PHGDH: variants seen among roughly 807,000 people sequenced by gnomAD.
PHGDH encodes the protein phosphoglycerate dehydrogenase, also known as D-3-phosphoglycerate dehydrogenase.
PHGDH carries 50 observed loss-of-function variants against 52.6 expected under a neutral mutation model. The observed-to-expected ratio is 0.95, with a 90% confidence interval of 0.76 to 1.20. The LOEUF (loss-of-function observed/expected upper bound fraction) is 1.20, where lower values mean the gene tolerates loss of function less well. Ranked by LOEUF, PHGDH falls within the 50% of genes most tolerant of loss-of-function variation. The probability of loss-of-function intolerance (pLI) is 0.00; values close to 1 mark genes in which losing one functional copy is unlikely to be tolerated. For synonymous variants in PHGDH, 271 were observed against 280.5 expected (o/e 0.97, Z 0.34); for missense variants, 630 against 684.6 (o/e 0.92, Z 0.89).
intron 5 of PHGDH, among the ~76,000 whole-genome samples, chr1:119,733,288 T>C (rs1651782005): frequency 1.3e-5 from 2 of 152,178 alleles, no homozygotes; most frequent in African/African-American, 4.8e-5. Context: ...GCTTCTGCCC[T>C]AGAATTACTG....
At chr1:119,723,002 A>G (rs1380187665) in intron 2 of PHGDH, among the ~76,000 whole-genome samples, 2 of 152,024 alleles carry the variant, frequency 1.3e-5, no homozygotes, top group Non-Finnish European at 2.9e-5. Flanking sequence ...GATCAATGGT[A>G]GGAGCAGCAG....
chr1:119,743,011 A>G lies in PHGDH; in HGVS notation c.1414A>G (p.Thr472Ala), dbSNP rs1407120002. ...DLPLLLFRTQ[T>A]SDPAMLPTMI... ...GCCCCTGCTCCTATTCCGGACTCAG[A>G]CCTCTGACCCTGCAATGCTGCCTAC... is the stretch of plus-strand genomic sequence containing the variant. Residue 472 changes from threonine to alanine, a missense_variant, in exon 11 of 12, where the codon ACC becomes GCC. Transcript: ENST00000641023. 1 of 1,613,280 alleles carries G rather than the reference A, an allele frequency of 6.2e-7. No homozygotes were observed.
rs587765580 is a variant in PHGDH at position 119,735,101 on chromosome 1, G to T, written c.644-194G>T. 721 of 739,894 alleles carry T rather than the reference G, an allele frequency of 9.7e-4. 3 individuals carry two copies. The highest frequency in any genetic ancestry group is 8.8e-3 in the Middle Eastern group (28 of 3,194). The allele number at this position is 739,894 out of a possible 1,614,324, so 45.8% of individuals were successfully genotyped here. ...CTAAGATGTTTCTAAACTGAGTCTGGCCCAGATCCATAACAGGGACTCCTG... is the reference window on the plus strand; with the variant it reads ...CTAAGATGTTTCTAAACTGAGTCTGTCCCAGATCCATAACAGGGACTCCTG... On this transcript the variant is annotated intron_variant, in intron 6 of 11. Coordinates refer to ENST00000641023, the MANE Select transcript of PHGDH (RefSeq NM_006623.4).
intron 8 of PHGDH, chr1:119,740,044 T>C (rs1652119405): frequency 3.6e-6 from 1 of 275,392 alleles, no homozygotes; most frequent in African/African-American, 2.2e-5. Context: ...CCCATATGTT[T>C]TGTGTCAAAG....
At chr1:119,733,520 G>T (rs1011473758) in intron 5 of PHGDH, among the ~76,000 whole-genome samples, 5 of 19,146 alleles carry the variant, frequency 2.6e-4, no homozygotes, top group African/African-American at 8.7e-4. Context: ...TTTTTTGTAG[G>T]GGGGGGGGTC....
chr1:119,716,718 C>T (rs1200909292), intron 1 of PHGDH, among the ~76,000 whole-genome samples: 1 of 152,060 alleles, frequency 6.6e-6, no homozygotes, highest in Non-Finnish European at 1.5e-5. Context: ...GACTTTTGGT[C>T]CTGAGCTGAC....
In PHGDH at chr1:119,712,154, G is replaced by T. The variant is rs1258738608; in HGVS notation, c.132G>T (p.Glu44Asp). The stretch of plus-strand genomic sequence containing the variant: ...TTAGCAAAGAGGAGCTGATAGCGGA[G>T]CTGCAGGTAAGGCGAGAGAGAGAAA... Reference protein sequence around the residue: ...QNLSKEELIAELQDCEGLIVR... With the variant: ...QNLSKEELIADLQDCEGLIVR... The change falls in exon 1 of 12, where the codon GAG becomes GAT. Residue 44 changes from glutamate (E) to aspartate (D), a missense_variant. Coordinates refer to ENST00000641023, the MANE Select transcript of PHGDH (RefSeq NM_006623.4). 2 of 1,614,018 alleles carry T rather than the reference G, an allele frequency of 1.2e-6. No individual in the cohort carries two copies. The highest frequency in any genetic ancestry group is 1.7e-6 in the Non-Finnish European group (2 of 1,179,940).
intron 5 of PHGDH, chr1:119,730,081 C>T (rs370632268): frequency 1.3e-5 from 2 of 152,176 alleles, no homozygotes; most frequent in African/African-American, 4.8e-5. Context: ...TCAACCACGT[C>T]ATTATCATAC....
Position 119,726,781 on chromosome 1 carries a change from G to A in PHGDH, c.357-70G>A, listed in dbSNP as rs903102347. On this transcript the variant is annotated intron_variant, in intron 3 of 11. Transcript: ENST00000641023. ...TCATGGGCAGTGACTGTGCAAACCT[G>A]ATGTTGCATCTCCTTCCTGGGCTGG... 28 of 1,266,948 alleles carry A rather than the reference G, an allele frequency of 2.2e-5. 1 individual carries two copies. The highest frequency in any genetic ancestry group is 2.5e-4 in the Middle Eastern group (1 of 3,946). The allele number at this position is 1,266,948 out of a possible 1,614,324, so 78.5% of individuals were successfully genotyped here.
chr1:119,739,251 G>C (rs1652080261), intron 8 of PHGDH, among the ~76,000 whole-genome samples: 1 of 152,188 alleles, frequency 6.6e-6, no homozygotes, highest in Admixed American at 6.5e-5. Context: ...ACAGAGGACA[G>C]AGAGATGTGC....
intron 5 of PHGDH, among the ~76,000 whole-genome samples, chr1:119,728,609 T>C (rs1651553786): frequency 6.6e-6 from 1 of 152,138 alleles, no homozygotes; most frequent in South Asian, 2.1e-4. Flanking sequence ...CTGGTTGCCA[T>C]CAGTAGCAGT....
chr1:119,741,667 C>A, intron 9 of PHGDH, 100 bp from the exon 10 acceptor site: 1 of 1,105,280 alleles, frequency 9.0e-7, no homozygotes, highest in Non-Finnish European at 1.4e-6. Context: ...CCCAGGGCAG[C>A]GAGGAGCCCA....
chr1:119,741,332 G>A lies in PHGDH; in HGVS notation c.1079-435G>A, dbSNP rs374199007. 1.8e-4 allele frequency among the ~76,000 whole-genome samples: 27 copies of A among 152,304 alleles called. No individual in the cohort carries two copies. The East Asian group carries it at 3.1e-3, about 17-fold the overall frequency. Reference sequence around the variant, plus strand: ...CCACTGGCCTGGGTGTCCAAGCGCCGAAGGAAACAAGGCAGGGAGCTGGGC... The same window carrying A: ...CCACTGGCCTGGGTGTCCAAGCGCCAAAGGAAACAAGGCAGGGAGCTGGGC... On this transcript the variant is annotated intron_variant, in intron 9 of 11. Coordinates refer to ENST00000641023, the MANE Select transcript of PHGDH (RefSeq NM_006623.4).
chr1:119,724,593 G>A (rs1651318566), intron 3 of PHGDH: 2 of 368,618 alleles, frequency 5.4e-6, no homozygotes, highest in Non-Finnish European at 1.0e-5. Context: ...TAGGCTGAGT[G>A]TCTCTCCCCC....
intron 7 of PHGDH, 128 bp downstream of exon 7, chr1:119,735,571 G>C: frequency 1.9e-6 from 2 of 1,031,684 alleles, no homozygotes; most frequent in Non-Finnish European, 2.9e-6. Flanking sequence ...ATGGTAAAAG[G>C]AGAAAACTGT....
In PHGDH at chr1:119,723,381, C is replaced by T; in HGVS notation, c.296C>T (p.Pro99Leu). 6.2e-7 allele frequency: 1 copy of T among 1,613,058 alleles called. No homozygotes were observed. The highest frequency in any genetic ancestry group is 8.5e-7 in the Non-Finnish European group (1 of 1,179,110). The part of the protein sequence containing the change: ...TRKGILVMNT[P>L]NGNSLSAAEL... ...CCCTTTTCTTTGATCTTTAGCACCC[C>T]CAATGGGAACAGCCTCAGTGCCGCA... The change falls in exon 3 of 12, where the codon CCC (proline) becomes CTC (leucine). Residue 99 changes from proline (P) to leucine (L), a missense_variant. Pro to Leu is a moderately conservative substitution (Grantham distance 98). Transcript: ENST00000641023.
Position 119,740,954 on chromosome 1 carries a change from A to G in PHGDH, c.1078+436A>G, listed in dbSNP as rs587631009. ...CACTTGTAAAGTGAGAGTTAGGGGC[A>G]GATGAGCCAGGAGCGGTGAGGACAC... On this transcript the variant is annotated intron_variant, in intron 9 of 11. Transcript: ENST00000641023. Among the ~76,000 whole-genome samples, 7 of 152,302 alleles carry G rather than the reference A, an allele frequency of 4.6e-5. No homozygotes were observed. The South Asian group carries it at 1.2e-3, about 27-fold the overall frequency.
chr1:119,724,062 G>A (rs912003049), intron 3 of PHGDH, among the ~76,000 whole-genome samples: 2 of 152,180 alleles, frequency 1.3e-5, no homozygotes, highest in African/African-American at 4.8e-5. Flanking sequence ...GGCCTCTTGA[G>A]TGGATGGGGC....
intron 2 of PHGDH, among the ~76,000 whole-genome samples, chr1:119,722,869 C>G (rs1240819094): frequency 6.7e-6 from 1 of 148,776 alleles, no homozygotes; most frequent in African/African-American, 2.5e-5. Flanking sequence ...CCAGTACACT[C>G]CAGCCTGGGT....
Sources: allele counts gnomAD v4.1 joint callset (sites outside exome capture counted in the v4.1 genomes callset), GRCh38; gene constraint gnomAD v4.1.1; transcripts MANE v1.5; gene names NCBI Gene and HGNC (gene_info 2026-07-23, HGNC 2026-07-21).